The following SYT14 variants were observed in gnomAD, a reference collection of about 807,000 sequenced individuals.
The protein encoded by SYT14 is synaptotagmin 14.
A neutral mutation model predicts 74.2 loss-of-function variants in SYT14; 32 were observed. The observed-to-expected ratio is 0.43, with a 90% CI of 0.33 to 0.58. The LOEUF is 0.58. SYT14 is among the 20% of genes least tolerant of loss of function. The probability of loss-of-function intolerance (pLI) is 0.05; values close to 1 mark genes in which losing one functional copy is unlikely to be tolerated. For missense variants in SYT14, 791 were observed against 981.8 expected (o/e 0.81, Z 2.60); for synonymous variants, 298 against 337.7 (o/e 0.88, Z 1.29).
At chr1:210,078,536 G>T (rs1452448975) in intron 5 of SYT14, among the ~76,000 whole-genome samples, 2 of 151,948 alleles carry the variant, frequency 1.3e-5, no homozygotes, top group African/African-American at 4.8e-5. Context: ...ATTACTTAAT[G>T]ACTCTTTTCC....
intron 7 of SYT14, among the ~76,000 whole-genome samples, chr1:210,132,691 A>G (rs899694006): frequency 6.6e-6 from 1 of 151,832 alleles, no homozygotes; most frequent in African/African-American, 2.4e-5. Context: ...CCAGATGTCT[A>G]TGAAATGGCC....
intron 7 of SYT14, among the ~76,000 whole-genome samples, chr1:210,125,629 A>G (rs901209439): frequency 1.3e-5 from 2 of 152,178 alleles, no homozygotes. Context: ...TTGCTACTCC[A>G]GCTCTTCTAA....
At chr1:210,128,468 A>G (rs888573913) in intron 7 of SYT14, among the ~76,000 whole-genome samples, 3 of 152,100 alleles carry the variant, frequency 2.0e-5, no homozygotes, top group African/African-American at 7.2e-5. Flanking sequence ...TGCAACTCAT[A>G]TACAATATTT....
chr1:210,138,612 G>A (rs2082841101), intron 7 of SYT14, among the ~76,000 whole-genome samples: 2 of 152,072 alleles, frequency 1.3e-5, no homozygotes, highest in Non-Finnish European at 1.5e-5. Context: ...TCCTATATAT[G>A]TCTGCCAAAA....
intron 7 of SYT14, among the ~76,000 whole-genome samples, chr1:210,149,097 A>T (rs780064153): frequency 7.2e-5 from 11 of 152,108 alleles, no homozygotes; most frequent in Admixed American, 3.3e-4. Flanking sequence ...AGAAATGCTA[A>T]TTAAATATGT....
At chr1:210,150,240 T>C (rs552391314) in intron 7 of SYT14, among the ~76,000 whole-genome samples, 2 of 152,094 alleles carry the variant, frequency 1.3e-5, no homozygotes, top group Non-Finnish European at 2.9e-5. Context: ...GGAGAACTGG[T>C]TCCTAGTAAC....
chr1:210,136,114 G>A (rs1215522055), intron 7 of SYT14, among the ~76,000 whole-genome samples: 1 of 152,190 alleles, frequency 6.6e-6, no homozygotes, highest in Non-Finnish European at 1.5e-5. Context: ...TAGAAAATAG[G>A]ATCCAGACAG....
At chr1:210,151,242 C>T (rs753762918) in intron 7 of SYT14, among the ~76,000 whole-genome samples, 1 of 152,152 alleles carries the variant, frequency 6.6e-6, no homozygotes, top group Non-Finnish European at 1.5e-5. Context: ...CTACTGCTAC[C>T]TAGGCAAGCC....
intron 5 of SYT14, among the ~76,000 whole-genome samples, chr1:210,037,655 G>T: frequency 6.6e-6 from 1 of 151,336 alleles, no homozygotes; most frequent in African/African-American, 2.4e-5. Context: ...ATTCATTTCA[G>T]AAATATTTTA....
chr1:210,125,441 G>A (rs527740185), intron 7 of SYT14, among the ~76,000 whole-genome samples: 3 of 152,172 alleles, frequency 2.0e-5, no homozygotes, highest in South Asian at 2.1e-4. Flanking sequence ...CTAGTTTACC[G>A]CTTCATGTGC....
Position 210,127,248 on chromosome 1 carries a change from T to C in SYT14, c.2034+26787T>C, listed in dbSNP as rs190140596. On this transcript the variant is annotated intron_variant, in intron 7 of 9. Coordinates refer to ENST00000637265, the Ensembl canonical transcript of SYT14. ...TTCATTGGATAATGAGGTAGACATA[T>C]TTCCCATTCTTACCCTCACTCCCAG... Among the ~76,000 whole-genome samples, 35 of 152,328 alleles carry C rather than the reference T, an allele frequency of 2.3e-4. No individual in the cohort carries two copies. The East Asian group carries it at 6.6e-3, about 29-fold the overall frequency.
At chr1:210,018,226 C>T (rs950386709) in intron 4 of SYT14, among the ~76,000 whole-genome samples, 4 of 152,274 alleles carry the variant, frequency 2.6e-5, no homozygotes, top group East Asian at 1.9e-4. Context: ...CTCTGCCTCC[C>T]GGGTTCAAGC....
intron 5 of SYT14, among the ~76,000 whole-genome samples, chr1:210,046,933 T>C (rs1026376579): frequency 2.6e-5 from 4 of 152,128 alleles, no homozygotes; most frequent in African/African-American, 9.7e-5. Flanking sequence ...ATCATCCCCA[T>C]TCTATAAAAG....
chr1:210,094,703 C>T (rs1393602829), intron 6 of SYT14, 110 bp downstream of exon 5: 1 of 1,235,264 alleles, frequency 8.1e-7, no homozygotes, highest in Non-Finnish European at 1.2e-6. Flanking sequence ...TCCTTTGTAA[C>T]TTATAGTACC....
At chr1:210,075,568 C>T (rs1253709815) in intron 5 of SYT14, among the ~76,000 whole-genome samples, 1 of 149,078 alleles carries the variant, frequency 6.7e-6, no homozygotes, top group Admixed American at 6.6e-5. Context: ...CTCCTGACCT[C>T]GTGATCCGCC....
intron 5 of SYT14, among the ~76,000 whole-genome samples, chr1:210,091,022 T>C (rs148882442): frequency 1.3e-3 from 200 of 152,312 alleles, no homozygotes; most frequent in African/African-American, 4.2e-3. Context: ...GTGGCTAAAA[T>C]AAATTTTATA....
chr1:210,086,654 C>G (rs867157268), intron 5 of SYT14, among the ~76,000 whole-genome samples: 1 of 152,194 alleles, frequency 6.6e-6, no homozygotes, highest in Admixed American at 6.5e-5. Flanking sequence ...AGCCAAGACC[C>G]AGGCGCTCAG....
chr1:210,007,213 A>G (rs1280306627), intron 2 of SYT14, among the ~76,000 whole-genome samples: 1 of 151,958 alleles, frequency 6.6e-6, no homozygotes, highest in Non-Finnish European at 1.5e-5. Context: ...AGTTCAGTAT[A>G]CATAACACAA....
chr1:210,110,245 A>G (rs941289492), intron 7 of SYT14, among the ~76,000 whole-genome samples: 2 of 152,198 alleles, frequency 1.3e-5, no homozygotes, highest in Non-Finnish European at 2.9e-5. Context: ...CTGCACATGT[A>G]TCCCAGAACT....
Sources: gnomAD v4.1 joint callset for allele counts (sites outside exome capture counted in the v4.1 genomes callset) on GRCh38, gnomAD v4.1.1 for gene constraint, MANE v1.5 for transcripts, NCBI Gene and HGNC (gene_info 2026-07-23, HGNC 2026-07-21) for gene names.